The following MYO1D variants were observed in gnomAD, a reference collection of about 807,000 sequenced individuals.
MYO1D encodes unconventional myosin-Id.
MYO1D carries 83 observed loss-of-function variants against 122.0 expected under a neutral mutation model. The ratio of observed to expected loss-of-function variants is 0.68; its 90% CI spans 0.57 to 0.82. The LOEUF (loss-of-function observed/expected upper bound fraction) is 0.82. Among genes scored for constraint, MYO1D ranks in the 40% least tolerant of loss-of-function variants. The probability of loss-of-function intolerance (pLI) is 0.00; values close to 1 mark genes in which losing one functional copy is unlikely to be tolerated. For missense variants in MYO1D, 1,157 were observed against 1,269.5 expected (o/e 0.91, Z 1.35); for synonymous variants, 464 against 446.9 (o/e 1.04, Z -0.48).
chr17:32,644,165 C>T (rs937143392), intron 19 of MYO1D, among the ~76,000 whole-genome samples: 24 of 152,044 alleles, frequency 1.6e-4, no homozygotes, highest in Non-Finnish European at 2.4e-4. Flanking sequence ...GCCTTCATTT[C>T]GTTATGTACC....
At chr17:32,805,666 T>C (rs2090504015) in intron 1 of MYO1D, among the ~76,000 whole-genome samples, 1 of 124,544 alleles carries the variant, frequency 8.0e-6, no homozygotes, top group Non-Finnish European at 1.8e-5. Flanking sequence ...GCCAAAATAA[T>C]TCTCTGAAAA....
chr17:32,757,981 C>T lies in MYO1D; in HGVS notation c.1296+2309G>A, dbSNP rs1023484384. Among the ~76,000 whole-genome samples the T allele has an allele frequency of 1.4e-4, 22 of 152,096 alleles. 1 individual carries two copies. The highest frequency in any genetic ancestry group is 1.4e-3 in the Admixed American group (21 of 15,270). The stretch of plus-strand genomic sequence containing the variant: ...TAAAATGATTTGCAAACTACAGCAT[C>T]GAAAGCTTTTAAAAGTGAATGTACC... On this transcript the variant is annotated intron_variant, in intron 10 of 21. Coordinates refer to ENST00000318217, the MANE Select transcript of MYO1D (RefSeq NM_015194.3).
chr17:32,736,985 G>A (rs538842215), intron 14 of MYO1D, among the ~76,000 whole-genome samples: 11 of 152,278 alleles, frequency 7.2e-5, no homozygotes, highest in Admixed American at 3.9e-4. Context: ...GCTTATATGC[G>A]GTCACTTGAG....
intron 14 of MYO1D, among the ~76,000 whole-genome samples, chr17:32,731,823 G>A (rs2089642547): frequency 6.6e-6 from 1 of 152,218 alleles, no homozygotes; most frequent in Admixed American, 6.5e-5. Flanking sequence ...GCTGGGAGCA[G>A]GCAGGAGCCC....
intron 21 of MYO1D, among the ~76,000 whole-genome samples, chr17:32,545,134 G>A (rs372591168): frequency 1.3e-5 from 2 of 152,096 alleles, no homozygotes; most frequent in East Asian, 3.8e-4. Flanking sequence ...CTGTGGCCCC[G>A]AGTCTGCATC....
intron 1 of MYO1D, among the ~76,000 whole-genome samples, chr17:32,798,485 G>C (rs771195897): frequency 6.6e-6 from 1 of 152,168 alleles, no homozygotes; most frequent in Non-Finnish European, 1.5e-5. Flanking sequence ...CCTGTCCACA[G>C]TTAAGGAGGC....
intron 21 of MYO1D, among the ~76,000 whole-genome samples, chr17:32,575,840 C>T (rs1023864989): frequency 1.3e-5 from 2 of 152,178 alleles, no homozygotes; most frequent in African/African-American, 4.8e-5. Flanking sequence ...TGGCAATCAA[C>T]CTGCCGGGGA....
chr17:32,764,902 G>A lies in MYO1D; in HGVS notation c.1011C>T (p.Ser337=). 1 of 1,614,196 alleles carries A rather than the reference G, an allele frequency of 6.2e-7. No individual in the cohort carries two copies. Among genetic ancestry groups the A allele is most frequent in the Non-Finnish European group, 8.5e-7 (1 of 1,180,040 alleles). The part of the protein sequence containing the change: ...IDKQHTEQEA[S]YGRDAFAKAI... ...CCTTGGCAAAGGCGTCTCTGCCGTA[G>A]CTGGCCTCTTGTTCTGTGTGCTGCT... Residue 337 remains serine (S), a synonymous_variant, in exon 8 of 22, where the codon AGC becomes AGT. Coordinates refer to ENST00000318217, the MANE Select transcript of MYO1D (RefSeq NM_015194.3).
intron 20 of MYO1D, among the ~76,000 whole-genome samples, chr17:32,629,605 G>A (rs759311972): frequency 1.4e-4 from 22 of 151,998 alleles, no homozygotes; most frequent in African/African-American, 3.4e-4. Flanking sequence ...GCGTGGTGGC[G>A]GGCGCCTGTA....
At chr17:32,710,523 G>C (rs1026573771) in intron 16 of MYO1D, among the ~76,000 whole-genome samples, 1 of 152,178 alleles carries the variant, frequency 6.6e-6, no homozygotes, top group South Asian at 2.1e-4. Context: ...TTGTGACTGA[G>C]AGACATGAAA....
intron 1 of MYO1D, among the ~76,000 whole-genome samples, chr17:32,804,571 C>T (rs2090492979): frequency 6.6e-6 from 1 of 152,156 alleles, no homozygotes; most frequent in South Asian, 2.1e-4. Flanking sequence ...ACTGTCTCTA[C>T]AATTTATTTG....
intron 1 of MYO1D, among the ~76,000 whole-genome samples, chr17:32,841,805 G>C (rs2090885638): frequency 6.6e-6 from 1 of 152,090 alleles, no homozygotes; most frequent in African/African-American, 2.4e-5. Context: ...AATGGATAAA[G>C]ATGCGGTCTT....
At chr17:32,766,538 G>A (rs1282047064) in intron 7 of MYO1D, among the ~76,000 whole-genome samples, 2 of 152,166 alleles carry the variant, frequency 1.3e-5, no homozygotes, top group Admixed American at 6.5e-5. Flanking sequence ...GCTCACGCCT[G>A]TAATCCCAGA....
At chr17:32,761,666 G>A (rs575380259) in intron 8 of MYO1D, among the ~76,000 whole-genome samples, 1 of 152,120 alleles carries the variant, frequency 6.6e-6, no homozygotes, top group African/African-American at 2.4e-5. Flanking sequence ...ACTCCCAAAA[G>A]TATTATCCAA....
intron 21 of MYO1D, among the ~76,000 whole-genome samples, chr17:32,514,018 T>C (rs1002576941): frequency 1.3e-5 from 2 of 150,660 alleles, no homozygotes; most frequent in African/African-American, 4.9e-5. Flanking sequence ...TTGAGGCGGG[T>C]AGATCATGAG....
At position 32,765,162 on chromosome 17, in the gene MYO1D, T is replaced by TTTTATTTTA. The variant is rs2090043056; in HGVS notation, c.832-82_832-81insTAAAATAAA. On this transcript the variant is annotated intron_variant, in intron 7 of 21. Transcript: ENST00000318217. ...TTGCCAATATAAAATACAATTCAGGTGACCTTGTTTGTACCTATTTTCCTA... is the reference window on the plus strand; with the variant it reads ...TTGCCAATATAAAATACAATTCAGGTTTTATTTTAGACCTTGTTTGTACCTATTTTCCTA... 9.6e-6 allele frequency: 11 copies of TTTTATTTTA among 1,150,328 alleles called. No homozygotes were observed. The South Asian group carries it at 1.5e-4, about 16-fold the overall frequency. The allele number at this position is 1,150,328 out of a possible 1,614,324, so 71.3% of individuals were successfully genotyped here.
At chr17:32,607,134 T>G (rs1056382179) in intron 20 of MYO1D, among the ~76,000 whole-genome samples, 1 of 151,972 alleles carries the variant, frequency 6.6e-6, no homozygotes, top group African/African-American at 2.4e-5. Context: ...CACTTCAGCC[T>G]GGGCAACAGA....
chr17:32,531,355 G>A (rs917788642), intron 21 of MYO1D: 1 of 152,222 alleles, frequency 6.6e-6, no homozygotes, highest in African/African-American at 2.4e-5. Flanking sequence ...AAGAGAGCTG[G>A]GTTGGGAGGA....
chr17:32,827,148 C>T (rs1219474644), intron 1 of MYO1D, among the ~76,000 whole-genome samples: 6 of 152,110 alleles, frequency 3.9e-5, no homozygotes, highest in African/African-American at 1.4e-4. Flanking sequence ...AGATGTCCAT[C>T]GATGGATGAA....
Sources: allele counts gnomAD v4.1 joint callset (sites outside exome capture counted in the v4.1 genomes callset), GRCh38; gene constraint gnomAD v4.1.1; transcripts MANE v1.5; gene names NCBI Gene and HGNC (gene_info 2026-07-23, HGNC 2026-07-21).